The following GPR89A variants were observed in gnomAD, a reference collection of about 807,000 sequenced individuals.
The protein encoded by GPR89A is golgi pH regulator A.
GPR89A carries 16 observed loss-of-function variants against 52.0 expected under a neutral mutation model. The ratio of observed to expected loss-of-function variants is 0.31; its 90% CI spans 0.21 to 0.47. The LOEUF is 0.47. Ranked by LOEUF, GPR89A falls within the 20% of genes least tolerant of loss-of-function variation. GPR89A has a pLI of 1.00. For missense variants in GPR89A, 135 were observed against 449.4 expected, an observed-to-expected ratio of 0.30 and a Z score of 6.33; for synonymous variants, 55 against 150.9, an observed-to-expected ratio of 0.36 and a Z score of 4.66.
chr1:145,654,306 C>G (rs1651662535), intron 10 of GPR89A, among the ~76,000 whole-genome samples: 1 of 152,088 alleles, frequency 6.6e-6, no homozygotes, highest in Admixed American at 6.5e-5. Flanking sequence ...GTAATCCCAG[C>G]ACTTTGGGAG....
In GPR89A at chr1:145,670,042, C is replaced by G; in HGVS notation, c.*2C>G. Reference sequence around the variant, plus strand: ...CCAGAGAAGCAAATGGCACCTTGAACTTAAGCCTACTACAGACTGTTAGAG... The same window carrying G: ...CCAGAGAAGCAAATGGCACCTTGAAGTTAAGCCTACTACAGACTGTTAGAG... On this transcript the variant is annotated 3_prime_UTR_variant, in exon 14 of 14. Coordinates refer to ENST00000313835, the MANE Select transcript of GPR89A (RefSeq NM_001097612.2). 1 of 1,354,850 alleles carries G rather than the reference C, an allele frequency of 7.4e-7. No homozygotes were observed. Among genetic ancestry groups the G allele is most frequent in the Non-Finnish European group, 1.0e-6 (1 of 994,226 alleles). The allele number at this position is 1,354,850 out of a possible 1,614,324, so 83.9% of individuals were successfully genotyped here.
At chr1:145,645,661 T>C (rs1181320544) in intron 8 of GPR89A, 4 of 453,830 alleles carry the variant, frequency 8.8e-6, no homozygotes, top group Admixed American at 2.4e-5. Context: ...ACTTTCCTTA[T>C]GTGCAAAATG....
At chr1:145,652,995 G>T in intron 10 of GPR89A, among the ~76,000 whole-genome samples, 1 of 119,086 alleles carries the variant, frequency 8.4e-6, no homozygotes, top group African/African-American at 4.3e-5. Flanking sequence ...CTGTGACCTT[G>T]GTTATTTCTT....
chr1:145,651,001 G>C (rs1259846202), intron 10 of GPR89A, among the ~76,000 whole-genome samples: 2 of 151,636 alleles, frequency 1.3e-5, no homozygotes, highest in African/African-American at 4.8e-5. Context: ...AGTTTAATTA[G>C]ATCCCATTTG....
chr1:145,654,577 T>C (rs1166011310), intron 10 of GPR89A, among the ~76,000 whole-genome samples: 1 of 124,866 alleles, frequency 8.0e-6, no homozygotes, highest in African/African-American at 3.1e-5. Context: ...AAAAACAGAA[T>C]GTTGAATATT....
At chr1:145,632,612 A>T (rs1253818975) in intron 7 of GPR89A, among the ~76,000 whole-genome samples, 2 of 152,248 alleles carry the variant, frequency 1.3e-5, no homozygotes, top group Non-Finnish European at 2.9e-5. Flanking sequence ...TCTGTTGTAC[A>T]TGTATGCCAT....
At chr1:145,669,571 G>A (rs1265804091) in intron 12 of GPR89A, 54 bp from the exon 13 acceptor site, 23 of 1,600,282 alleles carry the variant, frequency 1.4e-5, no homozygotes, top group Non-Finnish European at 1.8e-5. Context: ...CTTACTGTTC[G>A]TGACACAGGA....
chr1:145,620,151 A>C (rs1649040689), intron 3 of GPR89A, among the ~76,000 whole-genome samples: 1 of 152,144 alleles, frequency 6.6e-6, no homozygotes, highest in East Asian at 1.9e-4. Context: ...TGCATCTTTC[A>C]CTGCTATTTA....
intron 1 of GPR89A, among the ~76,000 whole-genome samples, chr1:145,610,449 C>G (rs1648181781): frequency 6.6e-6 from 1 of 152,128 alleles, no homozygotes; most frequent in Non-Finnish European, 1.5e-5. Context: ...CCTGGCGATG[C>G]TATGGTGCCT....
chr1:145,621,908 CAAA>C (rs587599363), intron 3 of GPR89A, among the ~76,000 whole-genome samples: 2 of 137,796 alleles, frequency 1.5e-5, no homozygotes, highest in African/African-American at 5.4e-5. Context: ...TGGCTATAAC[CAAA>C]AAAAAAACAG....
At chr1:145,668,376 T>A (rs1652722538) in intron 12 of GPR89A, among the ~76,000 whole-genome samples, 1 of 152,214 alleles carries the variant, frequency 6.6e-6, no homozygotes, top group South Asian at 2.1e-4. Context: ...TCTGTTTGTC[T>A]GTTATTGGTC....
chr1:145,650,647 G>C (rs1284551358), intron 10 of GPR89A, among the ~76,000 whole-genome samples: 4 of 151,392 alleles, frequency 2.6e-5, no homozygotes, highest in Admixed American at 2.6e-4. Flanking sequence ...GCCAGCATCT[G>C]TTGTTTCTTG....
At chr1:145,609,339 TAAG>T (rs1330334031) in intron 1 of GPR89A, among the ~76,000 whole-genome samples, 1 of 152,198 alleles carries the variant, frequency 6.6e-6, no homozygotes, top group Non-Finnish European at 1.5e-5. Flanking sequence ...TTTAAGAAAA[TAAG>T]AAAGAAGGAA....
chr1:145,608,284 G>A, intron 1 of GPR89A, 109 bp downstream of exon 1: 3 of 1,457,854 alleles, frequency 2.1e-6, no homozygotes, highest in Middle Eastern at 1.8e-4. Flanking sequence ...TCTCTTACGC[G>A]TCCTGCGCTA....
chr1:145,635,863 G>A (rs1650201974), intron 7 of GPR89A, among the ~76,000 whole-genome samples: 1 of 152,150 alleles, frequency 6.6e-6, no homozygotes, highest in Admixed American at 6.5e-5. Context: ...GGAGGCTGAG[G>A]CAGGAAAATC....
chr1:145,623,098 T>C lies in GPR89A; in HGVS notation c.251T>C (p.Leu84Pro), dbSNP rs1239157419. 1 of 1,612,758 alleles carries C rather than the reference T, an allele frequency of 6.2e-7. No homozygotes were observed. Among genetic ancestry groups the C allele is most frequent in the East Asian group, 2.2e-5 (1 of 44,780 alleles). Residue 84 changes from leucine to proline, a missense_variant, in exon 4 of 14, where the codon CTG becomes CCG. Coordinates refer to ENST00000313835, the MANE Select transcript of GPR89A (RefSeq NM_001097612.2). Reference protein sequence around the residue: ...HWKMNLCVILLILVFMVPFYI... With the variant: ...HWKMNLCVILPILVFMVPFYI... ...AAAATGAACCTGTGTGTAATTCTGC[T>C]GATCCTGGTTTTCATGGTGCCTTTT...
intron 5 of GPR89A, among the ~76,000 whole-genome samples, chr1:145,627,581 T>A (rs1202409936): frequency 6.6e-6 from 1 of 152,230 alleles, no homozygotes; most frequent in African/African-American, 2.4e-5. Flanking sequence ...ATCCACTTTA[T>A]ATAAATTAAG....
At chr1:145,664,427 A>G (rs1352142836) in intron 11 of GPR89A, among the ~76,000 whole-genome samples, 1 of 152,108 alleles carries the variant, frequency 6.6e-6, no homozygotes, top group African/African-American at 2.4e-5. Flanking sequence ...GTCGAGACAG[A>G]TCACTTGAGT....
At chr1:145,655,106 T>G (rs1651723008) in intron 10 of GPR89A, among the ~76,000 whole-genome samples, 1 of 148,754 alleles carries the variant, frequency 6.7e-6, no homozygotes. Flanking sequence ...TATTTGTGGT[T>G]GCATTGTGAA....
Sources: gnomAD v4.1 joint callset for allele counts (sites outside exome capture counted in the v4.1 genomes callset) on GRCh38, gnomAD v4.1.1 for gene constraint, MANE v1.5 for transcripts, NCBI Gene and HGNC (gene_info 2026-07-23, HGNC 2026-07-21) for gene names.